Variants in TEX11 observed in about 807,000 individuals in gnomAD.
TEX11 encodes testis-expressed protein 11.
Under a neutral mutation model 84.4 loss-of-function variants are expected in TEX11, and 7 were observed. The observed-to-expected ratio is 0.08, with a 90% CI of 0.05 to 0.16. The LOEUF is 0.16. Among genes scored for constraint, TEX11 ranks in the 10% least tolerant of loss-of-function variants. The probability of loss-of-function intolerance (pLI) is 1.00; values close to 1 mark genes in which losing one functional copy is unlikely to be tolerated. For missense variants in TEX11, 551 were observed against 660.5 expected (o/e 0.83, Z 1.82); for synonymous variants, 264 against 222.8 (o/e 1.18, Z -1.64).
intron 7 of TEX11, among the ~76,000 whole-genome samples, chrX:70,843,271 C>G (rs2091458291): frequency 9.0e-6 from 1 of 110,542 alleles, no homozygotes; most frequent in Non-Finnish European, 1.9e-5. Flanking sequence ...GTACTGGTAC[C>G]AAAACAGAAC....
intron 16 of TEX11, among the ~76,000 whole-genome samples, chrX:70,662,855 A>G (rs977294432): frequency 3.6e-5 from 4 of 111,661 alleles, no homozygotes; most frequent in Non-Finnish European, 7.5e-5. Context: ...AGTGGAGGTG[A>G]GGATTGACTG....
chrX:70,797,806 T>C, intron 9 of TEX11, among the ~76,000 whole-genome samples: 1 of 102,254 alleles, frequency 9.8e-6, no homozygotes, highest in Non-Finnish European at 2.0e-5. Flanking sequence ...AATTCATCCT[T>C]TCAAGATTAA....
chrX:70,743,650 C>T (rs1398189910), intron 10 of TEX11, among the ~76,000 whole-genome samples: 1 of 111,012 alleles, frequency 9.0e-6, no homozygotes, highest in Non-Finnish European at 1.9e-5. Flanking sequence ...CCAAGGTGGG[C>T]AAATCACCTG....
intron 8 of TEX11, among the ~76,000 whole-genome samples, chrX:70,821,553 T>C (rs1157818284): frequency 1.8e-5 from 2 of 112,165 alleles, no homozygotes; most frequent in African/African-American, 3.2e-5. Context: ...ATTGTAAGTT[T>C]CCAGAGCCCC....
At chrX:70,600,073 T>A (rs1042301824) in intron 24 of TEX11, among the ~76,000 whole-genome samples, 1 of 111,408 alleles carries the variant, frequency 9.0e-6, no homozygotes, top group African/African-American at 3.3e-5. Flanking sequence ...TTTCTAGTTC[T>A]AGATCCCTGA....
chrX:70,810,087 A>G (rs753309100), intron 8 of TEX11, among the ~76,000 whole-genome samples: 14 of 111,909 alleles, frequency 1.3e-4, no homozygotes, highest in Non-Finnish European at 2.3e-4. Flanking sequence ...TCAAAACCAC[A>G]ATGAGATACC....
intron 8 of TEX11, 66 bp downstream of exon 8, chrX:70,833,447 A>G: frequency 2.2e-6 from 2 of 923,199 alleles, no homozygotes; most frequent in Non-Finnish European, 3.1e-6. Flanking sequence ...ATGAAGTAGT[A>G]ATGATTCTTC....
intron 9 of TEX11, among the ~76,000 whole-genome samples, chrX:70,792,343 TATATATATATATATACAC>T (rs1161554303): frequency 0.061 from 655 of 10,675 alleles, 73 homozygotes; most frequent in African/African-American, 0.24. Context: ...TATATATATA[TATATATATATATATACAC>T]ACACAAATAT....
chrX:70,661,000 C>T (rs1206027219), intron 16 of TEX11, among the ~76,000 whole-genome samples: 1 of 112,497 alleles, frequency 8.9e-6, no homozygotes, highest in African/African-American at 3.2e-5. Context: ...CTGGGTGCAT[C>T]TCACTGAGGA....
At chrX:70,774,060 G>A (rs1048405440) in intron 9 of TEX11, among the ~76,000 whole-genome samples, 2 of 110,217 alleles carry the variant, frequency 1.8e-5, no homozygotes, top group Admixed American at 1.9e-4. Context: ...CAACAGCACT[G>A]TTCCAGACAG....
intron 8 of TEX11, among the ~76,000 whole-genome samples, chrX:70,816,498 G>A (rs1171943883): frequency 9.0e-6 from 1 of 110,674 alleles, no homozygotes; most frequent in Non-Finnish European, 1.9e-5. Context: ...ATCACTTGAG[G>A]TCAGGAGTTT....
chrX:70,699,595 T>C (rs1430874444), intron 13 of TEX11, among the ~76,000 whole-genome samples: 2 of 111,638 alleles, frequency 1.8e-5, no homozygotes, highest in African/African-American at 3.3e-5. Flanking sequence ...CTGAAGAAAC[T>C]AGACATTTGA....
At chrX:70,511,506 G>A in the TEX11 span, among the ~76,000 whole-genome samples, 2 of 110,649 alleles carry the variant, frequency 1.8e-5, no homozygotes, top group African/African-American at 6.6e-5. Flanking sequence ...TGTAATCCCA[G>A]CACTTTGGGA....
At chrX:70,532,899 G>A (rs921762085) in intron 28 of TEX11, among the ~76,000 whole-genome samples, 3 of 109,844 alleles carry the variant, frequency 2.7e-5, no homozygotes, top group African/African-American at 1.0e-4. Context: ...TTAGCCGGGC[G>A]TGGTGGCAGG....
At chrX:70,826,711 G>C (rs1290076874) in intron 8 of TEX11, among the ~76,000 whole-genome samples, 2 of 111,569 alleles carry the variant, frequency 1.8e-5, no homozygotes, top group Non-Finnish European at 3.8e-5. Context: ...CAGAGGGAGT[G>C]TTTGGACCAG....
At chrX:70,524,831 C>T (rs755456083), downstream of TEX11, among the ~76,000 whole-genome samples, 2 of 112,335 alleles carry the variant, frequency 1.8e-5, no homozygotes, top group African/African-American at 6.5e-5. Context: ...TCCCAAAGAG[C>T]TGGAATTACA....
chrX:70,581,878 T>C (rs2088781044), intron 25 of TEX11, among the ~76,000 whole-genome samples: 1 of 111,723 alleles, frequency 9.0e-6, no homozygotes, highest in African/African-American at 3.3e-5. Context: ...CAAATGGGTA[T>C]ATGCTTCTGT....
chrX:70,663,609 C>A (rs1264761545), intron 16 of TEX11, among the ~76,000 whole-genome samples: 1 of 111,344 alleles, frequency 9.0e-6, no homozygotes, highest in African/African-American at 3.3e-5. Context: ...GCCCCTCAAT[C>A]CAATACAATA....
At chrX:70,808,241 G>A (rs2091232167) in intron 8 of TEX11, among the ~76,000 whole-genome samples, 1 of 107,070 alleles carries the variant, frequency 9.3e-6, no homozygotes, top group African/African-American at 3.4e-5. Flanking sequence ...CGTGGCTCAA[G>A]CCTGAAATCC....
Sources: gnomAD v4.1 joint callset for allele counts (sites outside exome capture counted in the v4.1 genomes callset) on GRCh38, gnomAD v4.1.1 for gene constraint, MANE v1.5 for transcripts, NCBI Gene and HGNC (gene_info 2026-07-23, HGNC 2026-07-21) for gene names.